IGF1R: variants seen among roughly 807,000 people sequenced by gnomAD.
IGF1R encodes the protein insulin-like growth factor 1 receptor.
In IGF1R, 44 loss-of-function variants were observed where a neutral mutation model predicts 144.6. The observed-to-expected ratio is 0.30, with a 90% confidence interval of 0.24 to 0.39. The LOEUF is 0.39. Among genes scored for constraint, IGF1R ranks in the 10% least tolerant of loss-of-function variants. The probability of loss-of-function intolerance (pLI) is 1.00; values close to 1 mark genes in which losing one functional copy is unlikely to be tolerated. For missense variants in IGF1R, 1,355 were observed against 1,833.7 expected (o/e 0.74, Z 4.77); for synonymous variants, 795 against 722.8 (o/e 1.10, Z -1.60).
chr15:98,790,540 C>G (rs996036166), intron 2 of IGF1R, among the ~76,000 whole-genome samples: 8 of 152,138 alleles, frequency 5.3e-5, no homozygotes, highest in African/African-American at 1.9e-4. Flanking sequence ...GGGTCACTAG[C>G]TGGCTTTGTA....
intron 2 of IGF1R, among the ~76,000 whole-genome samples, chr15:98,822,279 C>T (rs955503346): frequency 2.0e-5 from 3 of 152,046 alleles, no homozygotes; most frequent in Non-Finnish European, 2.9e-5. Context: ...AAGGCCCGGG[C>T]GAAGTTTTCC....
At chr15:98,821,290 C>T (rs544614575) in intron 2 of IGF1R, among the ~76,000 whole-genome samples, 1 of 151,936 alleles carries the variant, frequency 6.6e-6, no homozygotes, top group Non-Finnish European at 1.5e-5. Context: ...GCCTCCCCCC[C>T]CCCTTTTTAA....
intron 2 of IGF1R, among the ~76,000 whole-genome samples, chr15:98,715,026 G>A (rs1217577947): frequency 6.6e-6 from 1 of 152,162 alleles, no homozygotes; most frequent in Non-Finnish European, 1.5e-5. Context: ...TTGTGTTGTT[G>A]GTAGGAACTT....
At chr15:98,761,326 G>T (rs1256253440) in intron 2 of IGF1R, among the ~76,000 whole-genome samples, 1 of 152,250 alleles carries the variant, frequency 6.6e-6, no homozygotes, top group Admixed American at 6.5e-5. Context: ...AGTTGCAGGG[G>T]CAGAGAGGGA....
chr15:98,831,002 G>A (rs1380241066), intron 2 of IGF1R, among the ~76,000 whole-genome samples: 2 of 152,068 alleles, frequency 1.3e-5, no homozygotes, highest in South Asian at 2.1e-4. Context: ...AAAGAGAGAC[G>A]CCAGATCTCC....
At chr15:98,846,294 T>C (rs1015598485) in intron 2 of IGF1R, among the ~76,000 whole-genome samples, 3 of 152,262 alleles carry the variant, frequency 2.0e-5, no homozygotes, top group Non-Finnish European at 4.4e-5. Context: ...TCTGTGCTTC[T>C]GCTAGCTACT....
At chr15:98,836,096 G>A (rs1384445040) in intron 2 of IGF1R, among the ~76,000 whole-genome samples, 1 of 152,150 alleles carries the variant, frequency 6.6e-6, no homozygotes, top group Non-Finnish European at 1.5e-5. Context: ...AATTCGTCCA[G>A]TGAGGAAAAT....
chr15:98,887,368 T>C (rs1311210456), intron 2 of IGF1R, among the ~76,000 whole-genome samples: 1 of 152,222 alleles, frequency 6.6e-6, no homozygotes, highest in African/African-American at 2.4e-5. Context: ...GGCATTGATA[T>C]TTAGGTATAA....
At chr15:98,734,815 T>C (rs1048130504) in intron 2 of IGF1R, 6 of 152,208 alleles carry the variant, frequency 3.9e-5, no homozygotes, top group Admixed American at 6.5e-5. Context: ...CTAAGTGTGA[T>C]TTTTGCTTTT....
intron 2 of IGF1R, among the ~76,000 whole-genome samples, chr15:98,833,231 C>T (rs1413935801): frequency 6.6e-6 from 1 of 152,184 alleles, no homozygotes; most frequent in Non-Finnish European, 1.5e-5. Context: ...CCTCTCCTTT[C>T]CCCATCTGCC....
Position 98,676,076 on chromosome 15 carries a change from C to T in IGF1R, c.94+26401C>T, listed in dbSNP as rs2053035512. Among the ~76,000 whole-genome samples the T allele has an allele frequency of 3.3e-5, 5 of 151,932 alleles. No homozygotes were observed. In the South Asian group the frequency reaches 8.3e-4, roughly 25 times the overall value. ...AACTCCCGGCCTCAGGTGATCCGCC[C>T]ACCTCACCTTCCCAAAGTGTTGGGA... is the stretch of plus-strand genomic sequence containing the variant. On this transcript the variant is annotated intron_variant, in intron 1 of 20. Coordinates refer to ENST00000650285, the MANE Select transcript of IGF1R (RefSeq NM_000875.5).
chr15:98,735,710 A>G (rs1028036067), intron 2 of IGF1R, among the ~76,000 whole-genome samples: 3 of 152,240 alleles, frequency 2.0e-5, no homozygotes, highest in Non-Finnish European at 4.4e-5. Context: ...GCAGAAATAT[A>G]TTTTGATGTG....
chr15:98,809,205 A>G lies in IGF1R; in HGVS notation c.641-82120A>G, dbSNP rs1403807938. 2.0e-5 allele frequency among the ~76,000 whole-genome samples: 3 copies of G among 152,304 alleles called. No individual in the cohort carries two copies. The East Asian group carries it at 5.8e-4, about 29-fold the overall frequency. On this transcript the variant is annotated intron_variant, in intron 2 of 20. Transcript: ENST00000650285. Reference sequence around the variant, plus strand: ...TGACTCTTTCCTGCATGTACTGAGGATGGAGGTAGCCTATGGGTGGCACAG... The same window carrying G: ...TGACTCTTTCCTGCATGTACTGAGGGTGGAGGTAGCCTATGGGTGGCACAG...
intron 6 of IGF1R, among the ~76,000 whole-genome samples, chr15:98,910,429 G>C (rs386472939): frequency 6.6e-6 from 1 of 152,142 alleles, no homozygotes; most frequent in African/African-American, 2.4e-5. Context: ...TCTCAGTTGC[G>C]CACATTTTGT....
At chr15:98,656,576 A>G (rs2052490164) in intron 1 of IGF1R, among the ~76,000 whole-genome samples, 1 of 151,700 alleles carries the variant, frequency 6.6e-6, no homozygotes, top group African/African-American at 2.4e-5. Flanking sequence ...ATAAAAATAA[A>G]TTGCTCACCT....
At chr15:98,755,680 C>T (rs2055131407) in intron 2 of IGF1R, among the ~76,000 whole-genome samples, 1 of 122,646 alleles carries the variant, frequency 8.2e-6, no homozygotes, top group Non-Finnish European at 1.6e-5. Flanking sequence ...CATCGTGCCA[C>T]TGCACTCCAG....
intron 2 of IGF1R, among the ~76,000 whole-genome samples, chr15:98,878,663 C>CAAAAAAAAAAAAAAAAAAAAA (rs138285597): frequency 1.7e-5 from 1 of 57,906 alleles, no homozygotes; most frequent in Non-Finnish European, 2.9e-5. Context: ...GTGAAAGACT[C>CAAAAAAAAAAAAAAAAAAAAA]AAAAAAAAAA....
chr15:98,955,535 GC>G (rs2016944232), intron 20 of IGF1R, among the ~76,000 whole-genome samples: 1 of 152,246 alleles, frequency 6.6e-6, no homozygotes, highest in South Asian at 2.1e-4. Context: ...GAGGCGGGCA[GC>G]CCCGGGTTAG....
At chr15:98,852,598 T>A (rs1284775635) in intron 2 of IGF1R, among the ~76,000 whole-genome samples, 2 of 151,998 alleles carry the variant, frequency 1.3e-5, no homozygotes, top group East Asian at 3.9e-4. Flanking sequence ...ACAAGATGTG[T>A]TCCCCCCACT....
Sources: allele counts gnomAD v4.1 joint callset (sites outside exome capture counted in the v4.1 genomes callset), GRCh38; gene constraint gnomAD v4.1.1; transcripts MANE v1.5; gene names NCBI Gene and HGNC (gene_info 2026-07-23, HGNC 2026-07-21).